Variants in OTUD7B observed in about 807,000 individuals in gnomAD.
OTUD7B encodes the protein OTU deubiquitinase 7B, also known as OTU domain-containing protein 7B.
A neutral mutation model predicts 82.2 loss-of-function variants in OTUD7B; 34 were observed. The ratio of observed to expected loss-of-function variants is 0.41; its 90% confidence interval spans 0.31 to 0.55. The LOEUF is 0.55. Ranked by LOEUF, OTUD7B falls within the 20% of genes least tolerant of loss-of-function variation. The probability of loss-of-function intolerance (pLI) is 0.20; values close to 1 mark genes in which losing one functional copy is unlikely to be tolerated. For missense variants in OTUD7B, 944 were observed against 1,062.1 expected, an observed-to-expected ratio of 0.89 and a Z score of 1.55; for synonymous variants, 398 against 402.7, an observed-to-expected ratio of 0.99 and a Z score of 0.14.
At chr1:149,997,106 T>G (rs1438796714) in intron 1 of OTUD7B, among the ~76,000 whole-genome samples, 6 of 152,204 alleles carry the variant, frequency 3.9e-5, no homozygotes, top group Non-Finnish European at 4.4e-5. Flanking sequence ...TAAATAACAG[T>G]GCCAGTCCCT....
chr1:149,976,632 T>A (rs1434594851), intron 2 of OTUD7B, among the ~76,000 whole-genome samples: 131,965 of 132,006 alleles, frequency 1, 65,965 homozygotes, highest in Middle Eastern at 1. Context: ...AAAAAAAAAA[T>A]ACTAGAACAT....
intron 6 of OTUD7B, chr1:149,961,345 A>G (rs1247195654): frequency 6.6e-6 from 1 of 151,906 alleles, no homozygotes; most frequent in Non-Finnish European, 1.5e-5. Context: ...ACTGCTATAG[A>G]GTTGTTGTTG....
At chr1:150,026,628 T>A in the OTUD7B span, among the ~76,000 whole-genome samples, 1 of 152,148 alleles carries the variant, frequency 6.6e-6, no homozygotes, top group Non-Finnish European at 1.5e-5. Context: ...TCTAACTGAA[T>A]TTTTCTCGGG....
chr1:150,032,312 C>T, the OTUD7B span, among the ~76,000 whole-genome samples: 1 of 147,430 alleles, frequency 6.8e-6, no homozygotes, highest in Non-Finnish European at 1.5e-5. Context: ...AATTCTGTCT[C>T]AAAAAAATAA....
the OTUD7B span, among the ~76,000 whole-genome samples, chr1:150,062,140 A>G: frequency 4.8e-4 from 73 of 152,302 alleles, no homozygotes; most frequent in Middle Eastern, 3.4e-3. Flanking sequence ...GGAACAAAGA[A>G]AGGAAGCTTC....
the OTUD7B span, among the ~76,000 whole-genome samples, chr1:150,041,259 A>G: frequency 1.3e-5 from 2 of 152,202 alleles, no homozygotes; most frequent in Admixed American, 6.5e-5. Context: ...TATGCAATAC[A>G]TTAGTATGCT....
At chr1:150,004,236 C>T (rs587770153) in intron 1 of OTUD7B, among the ~76,000 whole-genome samples, 13 of 152,200 alleles carry the variant, frequency 8.5e-5, no homozygotes, top group Admixed American at 2.0e-4. Flanking sequence ...CATCATACTG[C>T]TATTCTATTC....
At position 149,944,947 on chromosome 1, in the gene OTUD7B, C is replaced by T; in HGVS notation, c.1442G>A (p.Gly481Asp). 6.2e-7 allele frequency: 1 copy of T among 1,614,192 alleles called. No individual in the cohort carries two copies. Residue 481 changes from glycine to aspartate, a missense_variant, in exon 12 of 12, where the codon GGC becomes GAC. This residue lies in a region of OTUD7B where 530 missense variants were observed against 625.6 expected (regional missense o/e 0.85). Transcript: ENST00000581312. Reference sequence around the variant, plus strand: ...CTTTGACTTCTCCTTCCGCCGGCCGCCCTCGTTGCTGGTGGAACTGCTGCC... The same window carrying T: ...CTTTGACTTCTCCTTCCGCCGGCCGTCCTCGTTGCTGGTGGAACTGCTGCC... ...SVGSSSTSNE[G>D]GRRKEKSKRD... is the part of the protein sequence containing the mutation.
At chr1:149,962,167 A>T (rs1333868942) in intron 6 of OTUD7B, 1 of 152,208 alleles carries the variant, frequency 6.6e-6, no homozygotes, top group Admixed American at 6.5e-5. Context: ...ACACATCCAG[A>T]TCCGGCTCCC....
rs782631641 is a variant in OTUD7B at position 149,948,971 on chromosome 1, G to A, written c.1236C>T (p.Ala412=). The part of the protein sequence containing the change: ...GKDDSDNVRL[A]SVILSLEVKL... ...TGAAAAGACTAGGCCTGGCTTACCTGGCCAATCGGACATTGTCACTATCAT... is the reference window on the plus strand; with the variant it reads ...TGAAAAGACTAGGCCTGGCTTACCTAGCCAATCGGACATTGTCACTATCAT... Residue 412 remains alanine, a splice_region_variant and synonymous_variant, in exon 10 of 12, where the codon GCC becomes GCT. Coordinates refer to ENST00000581312, the MANE Select transcript of OTUD7B (RefSeq NM_020205.4). The A allele has an allele frequency of 2.5e-6, 4 of 1,600,020 alleles. No homozygotes were observed. The South Asian group carries it at 3.3e-5, about 13-fold the overall frequency.
chr1:149,964,303 C>G lies in OTUD7B; in HGVS notation c.651G>C (p.Leu217Phe). Residue 217 changes from leucine (L) to phenylalanine (F), a missense_variant, in exon 6 of 12, where the codon TTG (leucine) becomes TTC (phenylalanine). Transcript: ENST00000581312. ...CAACTCCCTTCTCCATCAGTGCATA[C>G]AAAGCTTTCCGCAGCATCAAGTCCC... ...HDRDLMLRKALYALMEKGVEK... is the reference protein window; with the variant it reads ...HDRDLMLRKAFYALMEKGVEK... The G allele has an allele frequency of 1.2e-6, 2 of 1,614,112 alleles. No individual in the cohort carries two copies. The highest frequency in any genetic ancestry group is 8.5e-7 in the Non-Finnish European group (1 of 1,180,010).
chr1:150,057,960 A>G, the OTUD7B span, among the ~76,000 whole-genome samples: 4 of 152,228 alleles, frequency 2.6e-5, no homozygotes, highest in Non-Finnish European at 5.9e-5. Flanking sequence ...GAAAAGTATG[A>G]CAAGTGAAAG....
chr1:150,010,368 G>A (rs1478611350), intron 1 of OTUD7B, 80 bp downstream of exon 1: 1 of 152,502 alleles, frequency 6.6e-6, no homozygotes, highest in African/African-American at 2.4e-5. Context: ...GGCGATCTGA[G>A]GAGCAGAGTT....
At chr1:150,013,853 C>T (rs1271713156), upstream of OTUD7B, among the ~76,000 whole-genome samples, 1 of 141,242 alleles carries the variant, frequency 7.1e-6, no homozygotes, top group Non-Finnish European at 1.5e-5. Flanking sequence ...ACTCGGGAGG[C>T]GGAGCTTGCA....
At chr1:149,948,359 C>A (rs1373768896) in intron 10 of OTUD7B, among the ~76,000 whole-genome samples, 2 of 134,882 alleles carry the variant, frequency 1.5e-5, no homozygotes, top group Admixed American at 1.7e-4. Flanking sequence ...ATTTGATTAT[C>A]CTGATTTTCT....
the OTUD7B span, among the ~76,000 whole-genome samples, chr1:150,038,907 A>G: frequency 6.6e-6 from 1 of 151,930 alleles, no homozygotes; most frequent in Non-Finnish European, 1.5e-5. Flanking sequence ...TCAGGGAGGG[A>G]ATCTACCTTT....
chr1:150,010,270 C>T (rs1460604875), intron 1 of OTUD7B, among the ~76,000 whole-genome samples, 178 bp downstream of exon 1: 2 of 151,784 alleles, frequency 1.3e-5, no homozygotes, highest in African/African-American at 4.8e-5. Flanking sequence ...AAGATCGGGA[C>T]GAAGCAAGGA....
At chr1:150,034,885 G>A in the OTUD7B span, among the ~76,000 whole-genome samples, 4 of 152,054 alleles carry the variant, frequency 2.6e-5, no homozygotes, top group Non-Finnish European at 5.9e-5. Context: ...GCTCACACCT[G>A]TAATCCCAGC....
At chr1:150,033,784 C>T in the OTUD7B span, among the ~76,000 whole-genome samples, 5 of 152,020 alleles carry the variant, frequency 3.3e-5, no homozygotes, top group Non-Finnish European at 7.4e-5. Context: ...TATAGTGGCG[C>T]GAACTTGGCT....
Sources: allele counts gnomAD v4.1 joint callset (sites outside exome capture counted in the v4.1 genomes callset), GRCh38; gene constraint gnomAD v4.1.1; regional missense constraint gnomAD v4.1.1; transcripts MANE v1.5; gene names NCBI Gene and HGNC (gene_info 2026-07-23, HGNC 2026-07-21).